TYW1B: variants seen among roughly 807,000 people sequenced by gnomAD.
The protein encoded by TYW1B is tRNA-yW synthesizing protein 1 homolog B.
A neutral mutation model predicts 86.9 loss-of-function variants in TYW1B; 73 were observed. The observed-to-expected ratio is 0.84, with a 90% CI of 0.70 to 1.02. The LOEUF (loss-of-function observed/expected upper bound fraction) is 1.02. Ranked by LOEUF, TYW1B falls within the 50% of genes least tolerant of loss-of-function variation. TYW1B has a pLI of 0.00. For synonymous variants in TYW1B, 248 were observed against 292.8 expected (o/e 0.85, Z 1.56); for missense variants, 637 against 827.4 (o/e 0.77, Z 2.82).
chr7:72,706,162 C>T (rs1246834883), intron 10 of TYW1B, among the ~76,000 whole-genome samples: 6 of 152,130 alleles, frequency 3.9e-5, no homozygotes, highest in Admixed American at 3.9e-4. Context: ...GGCACAGTGG[C>T]TCACACCTGT....
intron 11 of TYW1B, among the ~76,000 whole-genome samples, chr7:72,666,152 G>A (rs34322824): frequency 1.3e-5 from 2 of 151,996 alleles, no homozygotes; most frequent in African/African-American, 2.4e-5. Context: ...GGTGGCTCAC[G>A]CCTATAATCC....
At chr7:72,786,097 AGACT>A (rs1788125431) in intron 6 of TYW1B, among the ~76,000 whole-genome samples, 5 of 123,614 alleles carry the variant, frequency 4.0e-5, no homozygotes, top group Non-Finnish European at 8.6e-5. Context: ...CGACACAGCA[AGACT>A]GTCTAAAAAA....
intron 11 of TYW1B, among the ~76,000 whole-genome samples, chr7:72,687,750 A>T (rs1207678729): frequency 6.6e-6 from 1 of 151,990 alleles, no homozygotes; most frequent in Non-Finnish European, 1.5e-5. Context: ...CATAATATAT[A>T]AACTATATAA....
chr7:72,631,329 G>A (rs574026919), intron 11 of TYW1B, among the ~76,000 whole-genome samples: 12 of 152,046 alleles, frequency 7.9e-5, no homozygotes, highest in East Asian at 1.9e-4. Flanking sequence ...CCTGGTCAAC[G>A]TGGTGAAACC....
chr7:72,703,598 T>C (rs1554453123), intron 10 of TYW1B, among the ~76,000 whole-genome samples: 1 of 151,680 alleles, frequency 6.6e-6, no homozygotes, highest in African/African-American at 2.4e-5. Context: ...CTCATGCCTG[T>C]AATCCCAGCA....
At chr7:72,774,538 C>T (rs1370694960) in intron 7 of TYW1B, among the ~76,000 whole-genome samples, 7 of 151,880 alleles carry the variant, frequency 4.6e-5, no homozygotes, top group South Asian at 2.1e-4. Context: ...CTGGCTAACA[C>T]GGTAAAACCC....
intron 3 of TYW1B, among the ~76,000 whole-genome samples, chr7:72,813,755 C>A (rs1220435942): frequency 2.6e-5 from 4 of 152,180 alleles, no homozygotes; most frequent in African/African-American, 7.2e-5. Context: ...TGGCTCATGC[C>A]TGTAATCCCA....
At chr7:72,651,059 T>C (rs782085184) in intron 11 of TYW1B, among the ~76,000 whole-genome samples, 7 of 152,196 alleles carry the variant, frequency 4.6e-5, no homozygotes, top group Non-Finnish European at 8.8e-5. Context: ...TTGAAGAACA[T>C]AGCATGTCTT....
intron 11 of TYW1B, among the ~76,000 whole-genome samples, chr7:72,632,347 T>A (rs1408355868): frequency 9.6e-6 from 1 of 103,876 alleles, no homozygotes; most frequent in Non-Finnish European, 1.8e-5. Flanking sequence ...GTATATATAT[T>A]ATATATATTA....
At chr7:72,620,932 G>A (rs1395582714) in intron 12 of TYW1B, among the ~76,000 whole-genome samples, 17 of 152,192 alleles carry the variant, frequency 1.1e-4, no homozygotes, top group Non-Finnish European at 2.2e-4. Flanking sequence ...GTGAAGAACA[G>A]GATCATTTAT....
At chr7:72,739,519 TG>T (rs1787263768) in intron 8 of TYW1B, among the ~76,000 whole-genome samples, 1 of 149,934 alleles carries the variant, frequency 6.7e-6, no homozygotes, top group South Asian at 2.1e-4. Flanking sequence ...GGCAGGAGAA[TG>T]GCGTGAACCC....
chr7:72,618,318 G>A (rs544603195), intron 12 of TYW1B, among the ~76,000 whole-genome samples: 8 of 146,478 alleles, frequency 5.5e-5, no homozygotes, highest in South Asian at 2.1e-4. Flanking sequence ...CTGGGTTGAA[G>A]CGATTCTCCT....
intron 10 of TYW1B, among the ~76,000 whole-genome samples, chr7:72,701,991 A>G (rs1814487908): frequency 6.6e-6 from 1 of 152,186 alleles, no homozygotes; most frequent in South Asian, 2.1e-4. Context: ...GCATGCCCAC[A>G]GCCCTGATCG....
chr7:72,663,354 G>A (rs1199518599), intron 11 of TYW1B, among the ~76,000 whole-genome samples: 3 of 152,082 alleles, frequency 2.0e-5, no homozygotes, highest in Non-Finnish European at 4.4e-5. Flanking sequence ...GAAAGCAATG[G>A]TTATTTTTTA....
At chr7:72,646,202 A>C (rs1411959306) in intron 11 of TYW1B, among the ~76,000 whole-genome samples, 1 of 151,556 alleles carries the variant, frequency 6.6e-6, no homozygotes, top group Non-Finnish European at 1.5e-5. Flanking sequence ...CTACAGGTGC[A>C]CACCACCATG....
chr7:72,787,418 G>A (rs1208206872), intron 6 of TYW1B, among the ~76,000 whole-genome samples: 5 of 150,948 alleles, frequency 3.3e-5, no homozygotes, highest in African/African-American at 4.9e-5. Flanking sequence ...AGCCAAGATT[G>A]CACCACTGCA....
At position 72,809,957 on chromosome 7, in the gene TYW1B, G is replaced by A. The variant is rs1447144237; in HGVS notation, c.432+514C>T. Among the ~76,000 whole-genome samples, 4 of 144,386 alleles carry A rather than the reference G, an allele frequency of 2.8e-5. No homozygotes were observed. The East Asian group carries it at 6.0e-4, about 22-fold the overall frequency. 94.7% of individuals were successfully genotyped at this position (144,386 alleles called of 152,430 possible). A position where few individuals can be genotyped will look rare whatever the true frequency, so the allele number is the denominator to read the frequency against. ...GGAGGTTGCAGTCAGCTGAGATCAC[G>A]CCACTGCACTCCAGCTGGGGGATAG... is the stretch of plus-strand genomic sequence containing the variant. On this transcript the variant is annotated intron_variant, in intron 4 of 13. Transcript: ENST00000620995.
At chr7:72,632,439 TATATATATAAAATATATATATAC>T (rs1812553938) in intron 11 of TYW1B, among the ~76,000 whole-genome samples, 2 of 88,740 alleles carry the variant, frequency 2.3e-5, no homozygotes, top group African/African-American at 6.3e-5. Flanking sequence ...TATATATACG[TATATATATAAAATATATATATAC>T]ATATATATAT....
Position 72,622,741 on chromosome 7 carries a change from A to C in TYW1B, c.1618-5902T>G, listed in dbSNP as rs535703739. Among the ~76,000 whole-genome samples, 4 of 151,378 alleles carry C rather than the reference A, an allele frequency of 2.6e-5. No individual in the cohort carries two copies. In the East Asian group the frequency reaches 7.7e-4, roughly 29 times the overall value. On this transcript the variant is annotated intron_variant, in intron 12 of 13. Transcript: ENST00000620995. ...ACAACACACATACATGCACACATAC[A>C]ACACACACAAGTGCACACACCACAC...
Sources: gnomAD v4.1 joint callset for allele counts (sites outside exome capture counted in the v4.1 genomes callset) on GRCh38, gnomAD v4.1.1 for gene constraint, MANE v1.5 for transcripts, NCBI Gene and HGNC (gene_info 2026-07-23, HGNC 2026-07-21) for gene names.